Variants in PURG observed in about 807,000 individuals in gnomAD.
PURG encodes the protein purine-rich element-binding protein gamma.
Under a neutral mutation model 24.3 loss-of-function variants are expected in PURG, and 3 were observed. That is an observed-to-expected ratio of 0.12 (90% confidence interval 0.06 to 0.32). The LOEUF is 0.32. Among genes scored for constraint, PURG ranks in the 10% least tolerant of loss-of-function variants. The pLI, the probability that PURG is intolerant of heterozygous loss-of-function variation, is 1.00. For synonymous variants in PURG, 180 were observed against 173.1 expected (o/e 1.04, Z -0.31); for missense variants, 371 against 439.1 (o/e 0.84, Z 1.39).
At chr8:30,999,686 T>C (rs1810497651) in intron 1 of PURG, among the ~76,000 whole-genome samples, 1 of 152,028 alleles carries the variant, frequency 6.6e-6, no homozygotes, top group South Asian at 2.1e-4. Flanking sequence ...ACAATGCTAC[T>C]TTTCAAAATG....
chr8:30,996,653 G>C (rs1810434590), exon 2 of PURG: 1 of 1,612,062 alleles, frequency 6.2e-7, no homozygotes, highest in South Asian at 1.1e-5. Flanking sequence ...TTTGACAACA[G>C]TGAAAAAGGT....
chr8:31,015,985 C>T (rs750370386), intron 1 of PURG, among the ~76,000 whole-genome samples: 9 of 151,972 alleles, frequency 5.9e-5, no homozygotes, highest in East Asian at 1.9e-4. Flanking sequence ...CCTGCCAAGT[C>T]GAGGCTGCAG....
At chr8:30,998,446 A>G (rs181867426) in intron 1 of PURG, among the ~76,000 whole-genome samples, 57 of 151,850 alleles carry the variant, frequency 3.8e-4, no homozygotes, top group African/African-American at 1.4e-3. Flanking sequence ...TTTTCCAGGT[A>G]ATTAATTTAT....
At chr8:31,007,943 T>C (rs1810686167) in intron 1 of PURG, among the ~76,000 whole-genome samples, 2 of 152,234 alleles carry the variant, frequency 1.3e-5, no homozygotes, top group South Asian at 4.1e-4. Flanking sequence ...AATGGTGTCT[T>C]TGGATGAGTA....
chr8:31,026,055 T>C (rs548181444), downstream of PURG, among the ~76,000 whole-genome samples: 1 of 152,046 alleles, frequency 6.6e-6, no homozygotes, highest in African/African-American at 2.4e-5. Flanking sequence ...ACCTTTCTCA[T>C]AAAGATAAAG....
downstream of PURG, among the ~76,000 whole-genome samples, chr8:31,027,368 T>C (rs1811111468): frequency 6.6e-6 from 1 of 151,602 alleles, no homozygotes; most frequent in Non-Finnish European, 1.5e-5. Context: ...ATGAAAAACA[T>C]TTGGAGATAA....
downstream of PURG, among the ~76,000 whole-genome samples, chr8:31,027,662 T>A (rs189405432): frequency 1.1e-4 from 17 of 151,848 alleles, no homozygotes; most frequent in East Asian, 2.7e-3. Context: ...TAAGGTAGGA[T>A]GACTATATAA....
chr8:31,021,376 T>A (rs1473183036), intron 1 of PURG, among the ~76,000 whole-genome samples: 1 of 152,214 alleles, frequency 6.6e-6, no homozygotes, highest in East Asian at 1.9e-4. Flanking sequence ...CTGATCCCTT[T>A]AAAAAGTTAT....
intron 1 of PURG, among the ~76,000 whole-genome samples, chr8:31,017,260 T>C (rs368048354): frequency 1.3e-5 from 2 of 152,094 alleles, no homozygotes; most frequent in African/African-American, 4.8e-5. Context: ...ATGAAACCCA[T>C]TTACCACTAC....
chr8:31,030,794 T>C (rs1811179594), downstream of PURG: 1 of 152,064 alleles, frequency 6.6e-6, no homozygotes, highest in Non-Finnish European at 1.5e-5. Context: ...TATCAGTTAA[T>C]TGGTACACCA....
In PURG at chr8:31,032,536, G is replaced by C. The variant is rs377470978; in HGVS notation, c.247C>G (p.Arg83Gly). ...CAGACTTCGGCTATCTTTAGGAAGC[G>C]GCCCCGGGAGCTTTGCTTCACGTCT... ...YLDVKQSSRG[R>G]FLKIAEVWIG... is the part of the protein sequence containing the mutation. Residue 83 changes from arginine to glycine, a missense_variant, in exon 2 of 2, where the codon CGC (arginine) becomes GGC (glycine). Coordinates refer to ENST00000523392, the MANE Select transcript of PURG (RefSeq NM_001323311.2). The surrounding 1 kb of genome is among the most constrained non-coding windows in gnomAD (Gnocchi z 5.9). 6.2e-7 allele frequency: 1 copy of C among 1,614,082 alleles called. No individual in the cohort carries two copies. The highest frequency in any genetic ancestry group is 1.3e-5 in the African/African-American group (1 of 74,938).
chr8:31,027,147 A>G (rs1333969894), downstream of PURG, among the ~76,000 whole-genome samples: 2 of 151,724 alleles, frequency 1.3e-5, no homozygotes, highest in African/African-American at 4.8e-5. Context: ...TTCAAGAAAT[A>G]TTTAAGGAAA....
At chr8:31,006,908 T>C (rs551812317) in intron 1 of PURG, among the ~76,000 whole-genome samples, 12 of 152,338 alleles carry the variant, frequency 7.9e-5, no homozygotes, top group Middle Eastern at 3.4e-3. Context: ...GGCACATACT[T>C]AGTTTTTTTT....
chr8:31,015,904 T>A (rs956112572), intron 1 of PURG, among the ~76,000 whole-genome samples: 2 of 151,674 alleles, frequency 1.3e-5, no homozygotes, highest in Middle Eastern at 3.4e-3. Flanking sequence ...TAAAAAAAAA[T>A]TCGCCAGGCA....
chr8:31,001,431 T>C (rs1036334289), intron 1 of PURG, among the ~76,000 whole-genome samples: 4 of 152,226 alleles, frequency 2.6e-5, no homozygotes, highest in African/African-American at 9.6e-5. Context: ...GCAAAGTTAA[T>C]GCATTGCTTG....
chr8:31,015,177 G>C (rs1483159889), intron 1 of PURG, among the ~76,000 whole-genome samples: 1 of 152,088 alleles, frequency 6.6e-6, no homozygotes, highest in East Asian at 1.9e-4. Context: ...AGGAAGATGG[G>C]GAGTTGTTCA....
In PURG at chr8:31,031,947, C is replaced by A. The variant is rs1028818065; in HGVS notation, c.836G>T (p.Gly279Val). 2 of 1,614,160 alleles carry A rather than the reference C, an allele frequency of 1.2e-6. No homozygotes were observed. Among genetic ancestry groups the A allele is most frequent in the Non-Finnish European group, 1.7e-6 (2 of 1,180,036 alleles). The change falls in exon 2 of 2, where the codon GGC becomes GTC. Residue 279 changes from glycine to valine, a missense_variant. This residue lies in a region of PURG where 103 missense variants were observed against 127.7 expected (regional missense o/e 0.81). Coordinates refer to ENST00000523392, the MANE Select transcript of PURG (RefSeq NM_001323311.2). ...VDNKRFYFDVGSNKYGIFLKV... is the reference protein window; with the variant it reads ...VDNKRFYFDVVSNKYGIFLKV... Reference sequence around the variant, plus strand: ...CAGGAAAATTCCATATTTATTAGAGCCCACATCAAAGTAGAACCTTTTATT... The same window carrying A: ...CAGGAAAATTCCATATTTATTAGAGACCACATCAAAGTAGAACCTTTTATT...
At chr8:31,024,376 T>C (rs1811053450) in intron 1 of PURG, among the ~76,000 whole-genome samples, 1 of 152,162 alleles carries the variant, frequency 6.6e-6, no homozygotes, top group African/African-American at 2.4e-5. Context: ...AGCACAATAC[T>C]GTTCATCTTT....
intron 1 of PURG, among the ~76,000 whole-genome samples, chr8:31,016,781 T>C (rs1810881053): frequency 6.6e-6 from 1 of 151,936 alleles, no homozygotes; most frequent in South Asian, 2.1e-4. Context: ...TTAATACACC[T>C]GCACACTTGT....
Sources: allele counts gnomAD v4.1 joint callset (sites outside exome capture counted in the v4.1 genomes callset), GRCh38; gene constraint gnomAD v4.1.1; regional missense constraint gnomAD v4.1.1; non-coding constraint Gnocchi (gnomAD v3.1); transcripts MANE v1.5; gene names NCBI Gene and HGNC (gene_info 2026-07-23, HGNC 2026-07-21).